The following INSR variants were observed in gnomAD, a reference collection of about 807,000 sequenced individuals.
INSR encodes IR.
In INSR, 67 loss-of-function variants were observed where a neutral mutation model predicts 142.6. That is an observed-to-expected ratio of 0.47 (90% confidence interval 0.39 to 0.58). The LOEUF is 0.58. Among genes scored for constraint, INSR ranks in the 20% least tolerant of loss-of-function variants. The pLI is 0.00. For synonymous variants in INSR, 756 were observed against 743.1 expected, an observed-to-expected ratio of 1.02 and a Z score of -0.28; for missense variants, 1,248 against 1,833.2, an observed-to-expected ratio of 0.68 and a Z score of 5.83.
intron 2 of INSR, among the ~76,000 whole-genome samples, chr19:7,194,671 C>T (rs1974697033): frequency 1.5e-5 from 2 of 133,526 alleles, no homozygotes; most frequent in Admixed American, 8.1e-5. Flanking sequence ...CGCCACCACA[C>T]CAACTGATTT....
intron 2 of INSR, among the ~76,000 whole-genome samples, chr19:7,251,599 T>A (rs966286428): frequency 5.3e-5 from 8 of 151,954 alleles, no homozygotes; most frequent in African/African-American, 1.9e-4. Context: ...TAAATATTTG[T>A]CTACAGATTC....
intron 14 of INSR, among the ~76,000 whole-genome samples, chr19:7,131,614 G>A (rs540441551): frequency 7.8e-4 from 118 of 150,490 alleles, no homozygotes; most frequent in African/African-American, 2.1e-3. Context: ...CCAAAGTGCT[G>A]GGATTACAGG....
At chr19:7,238,582 T>C (rs973971776) in intron 2 of INSR, among the ~76,000 whole-genome samples, 49 of 136,516 alleles carry the variant, frequency 3.6e-4, no homozygotes, top group African/African-American at 1.3e-3. Context: ...GATCACGCCA[T>C]TGCACTCCAG....
intron 1 of INSR, among the ~76,000 whole-genome samples, chr19:7,281,202 C>T (rs1323878533): frequency 6.6e-6 from 1 of 152,266 alleles, no homozygotes; most frequent in African/African-American, 2.4e-5. Context: ...ACCAGAAAGT[C>T]ACTTTGTAAC....
At chr19:7,196,749 TAAAAA>T (rs11334237) in intron 2 of INSR, among the ~76,000 whole-genome samples, 1 of 144,714 alleles carries the variant, frequency 6.9e-6, no homozygotes, top group Non-Finnish European at 1.5e-5. Context: ...AAAAAAAACT[TAAAAA>T]AAAAAAGTTT....
intron 2 of INSR, among the ~76,000 whole-genome samples, chr19:7,224,092 C>A (rs975664418): frequency 6.6e-6 from 1 of 151,912 alleles, no homozygotes; most frequent in African/African-American, 2.4e-5. Flanking sequence ...TACAGGCGTA[C>A]ACCACCACAC....
intron 2 of INSR, among the ~76,000 whole-genome samples, chr19:7,229,616 G>A (rs1975904715): frequency 6.6e-6 from 1 of 152,126 alleles, no homozygotes; most frequent in African/African-American, 2.4e-5. Flanking sequence ...AAGGGCCTCT[G>A]GGTCTGTGTT....
In INSR at chr19:7,184,553, G is replaced by A. The variant is rs766992696; in HGVS notation, c.737C>T (p.Pro246Leu). The change falls in exon 3 of 22, where the codon CCC becomes CTC. Residue 246 changes from proline to leucine, a missense_variant. Pro to Leu is a moderately conservative substitution (Grantham distance 98). This residue lies in a region of INSR where 1,069 missense variants were observed against 1,654.0 expected (regional missense o/e 0.65). Coordinates refer to ENST00000302850, the MANE Select transcript of INSR (RefSeq NM_000208.4). ...GGCCACGCACTTGGTGGGGTCGTCG[G>A]GCTGAGAACAGTTGCCCAGGCACTC... ...HSECLGNCSQ[P>L]DDPTKCVACR... 1.2e-6 allele frequency: 2 copies of A among 1,613,714 alleles called. No individual in the cohort carries two copies. The highest frequency in any genetic ancestry group is 2.2e-5 in the South Asian group (2 of 91,068).
intron 1 of INSR, among the ~76,000 whole-genome samples, chr19:7,291,801 TTTTATTTA>T (rs1001280916): frequency 6.6e-6 from 1 of 151,974 alleles, no homozygotes. Flanking sequence ...TGGATTTTCT[TTTTATTTA>T]TTTATTTATT....
intron 2 of INSR, among the ~76,000 whole-genome samples, chr19:7,209,861 G>A (rs929165553): frequency 6.6e-6 from 1 of 152,170 alleles, no homozygotes; most frequent in African/African-American, 2.4e-5. Context: ...GAGCAATGTC[G>A]TGGGTGTCTT....
intron 4 of INSR, among the ~76,000 whole-genome samples, chr19:7,172,772 C>T (rs1974048480): frequency 6.6e-6 from 1 of 151,844 alleles, no homozygotes; most frequent in Admixed American, 6.6e-5. Flanking sequence ...GTGGCTCATG[C>T]CTGTAATACC....
At chr19:7,248,473 G>A (rs1340767924) in intron 2 of INSR, among the ~76,000 whole-genome samples, 6 of 106,992 alleles carry the variant, frequency 5.6e-5, no homozygotes, top group African/African-American at 1.4e-4. Context: ...GCGACAGAGG[G>A]AGACCCCATC....
At chr19:7,254,952 T>C (rs1448204788) in intron 2 of INSR, among the ~76,000 whole-genome samples, 1 of 152,160 alleles carries the variant, frequency 6.6e-6, no homozygotes, top group African/African-American at 2.4e-5. Flanking sequence ...TCTACCCGCC[T>C]TCTTCCCAAA....
chr19:7,122,855 G>C, intron 18 of INSR, 24 bp downstream of exon 18: 2 of 1,609,710 alleles, frequency 1.2e-6, no homozygotes. Context: ...CGAGTACCCC[G>C]CTGGGTCCCC....
chr19:7,126,428 G>A (rs966392628), intron 16 of INSR, among the ~76,000 whole-genome samples, 156 bp downstream of exon 16: 2 of 152,208 alleles, frequency 1.3e-5, no homozygotes, highest in African/African-American at 4.8e-5. Flanking sequence ...CAGTAATGAG[G>A]TTTCTGCAGC....
rs146673661 is a variant in INSR, at chr19:7,192,249, G to GAAGAAAAGAAAAGAAAAGAAAAGAA, written c.653-7637_653-7613dup. ...AAGAGAAAGAAGGAAGGGAGGGAGG[G>GAAGAAAAGAAAAGAAAAGAAAAGAA]AAGAAAAGAAAAGAAAAGAAAAGAA... On this transcript the variant is annotated intron_variant, in intron 2 of 21. Transcript: ENST00000302850. This position sits in a 1 kb window ranked among gnomAD's most constrained non-coding sequence, Gnocchi z 4.2. Among the ~76,000 whole-genome samples, 6 of 117,138 alleles carry GAAGAAAAGAAAAGAAAAGAAAAGAA rather than the reference G, an allele frequency of 5.1e-5. No individual in the cohort carries two copies. Among genetic ancestry groups the GAAGAAAAGAAAAGAAAAGAAAAGAA allele is most frequent in the South Asian group, 3.3e-4 (1 of 3,056 alleles). 76.8% of individuals were successfully genotyped at this position (117,138 alleles called of 152,430 possible).
intron 12 of INSR, among the ~76,000 whole-genome samples, chr19:7,142,138 C>T (rs1418339131): frequency 6.6e-6 from 1 of 151,724 alleles, no homozygotes; most frequent in Admixed American, 6.6e-5. Flanking sequence ...CATGGTGGCT[C>T]ATGCCTGTAA....
In INSR at chr19:7,168,996, G is replaced by A. The variant is rs1311691744; in HGVS notation, c.1484-902C>T. On this transcript the variant is annotated intron_variant, in intron 6 of 21. Coordinates refer to ENST00000302850, the MANE Select transcript of INSR (RefSeq NM_000208.4). The surrounding 1 kb of genome is among the most constrained non-coding windows in gnomAD (Gnocchi z 4.3). ...ACTGTTTAGAATCTGTCAGGGAAGT[G>A]CAGTCAGCAGGCAGCCTGCAGCTGC... Among the ~76,000 whole-genome samples, 2 of 152,226 alleles carry A rather than the reference G, an allele frequency of 1.3e-5. No individual in the cohort carries two copies. The highest frequency in any genetic ancestry group is 2.9e-5 in the Non-Finnish European group (2 of 68,040).
chr19:7,249,780 C>T (rs750948716), intron 2 of INSR, among the ~76,000 whole-genome samples: 8 of 152,210 alleles, frequency 5.3e-5, no homozygotes, highest in Non-Finnish European at 8.8e-5. Context: ...ATCACGAGGT[C>T]AGGAGATCGA....
Sources: allele counts gnomAD v4.1 joint callset (sites outside exome capture counted in the v4.1 genomes callset), GRCh38; gene constraint gnomAD v4.1.1; regional missense constraint gnomAD v4.1.1; non-coding constraint Gnocchi (gnomAD v3.1); transcripts MANE v1.5; gene names NCBI Gene and HGNC (gene_info 2026-07-23, HGNC 2026-07-21).